Variants in CLUAP1 observed in about 807,000 individuals in gnomAD.
CLUAP1 encodes intraflagellar transport 38.
In CLUAP1, 50 loss-of-function variants were observed where a neutral mutation model predicts 55.0. The observed-to-expected ratio is 0.91, with a 90% CI of 0.72 to 1.15. The LOEUF (loss-of-function observed/expected upper bound fraction) is 1.15. Among genes scored for constraint, CLUAP1 ranks in the 50% most tolerant of loss-of-function variants. The pLI is 0.00. For missense variants in CLUAP1, 530 were observed against 507.6 expected (o/e 1.04, Z -0.42); for synonymous variants, 195 against 175.4 (o/e 1.11, Z -0.88).
At chr16:3,508,526 A>C (rs1365137077) in intron 4 of CLUAP1, 58 bp downstream of exon 4, 2 of 1,433,442 alleles carry the variant, frequency 1.4e-6, no homozygotes, top group Admixed American at 5.6e-5. Context: ...TGAGCTCTGA[A>C]GTGGAAGGAG....
intron 4 of CLUAP1, among the ~76,000 whole-genome samples, chr16:3,511,006 C>CG (rs906405356): frequency 2.0e-5 from 3 of 152,082 alleles, no homozygotes; most frequent in Non-Finnish European, 4.4e-5. Flanking sequence ...GCAGAAAAGA[C>CG]GGGGGGTCCA....
intron 4 of CLUAP1, among the ~76,000 whole-genome samples, chr16:3,510,294 T>G (rs1170874643): frequency 6.6e-6 from 1 of 151,044 alleles, no homozygotes; most frequent in Non-Finnish European, 1.5e-5. Flanking sequence ...GCACCCGGCT[T>G]TGTATTTTTT....
chr16:3,522,717 G>A (rs1279973473), intron 7 of CLUAP1, among the ~76,000 whole-genome samples: 1 of 151,956 alleles, frequency 6.6e-6, no homozygotes, highest in African/African-American at 2.4e-5. Flanking sequence ...CACCCAGCCT[G>A]ATCATTTTTA....
chr16:3,496,769 G>T (rs573938571), upstream of CLUAP1: 2 of 461,760 alleles, frequency 4.3e-6, no homozygotes, highest in Non-Finnish European at 8.6e-6. Flanking sequence ...CTACAAAAAC[G>T]AACCCTCTTA....
At chr16:3,502,782 T>C (rs2037431918) in intron 1 of CLUAP1, among the ~76,000 whole-genome samples, 1 of 152,174 alleles carries the variant, frequency 6.6e-6, no homozygotes, top group East Asian at 1.9e-4. Flanking sequence ...TGGGGTTTTG[T>C]TGGGGAGCGC....
chr16:3,529,598 TATATTATATATTATATA>T (rs2038037916), intron 9 of CLUAP1, among the ~76,000 whole-genome samples: 6 of 39,910 alleles, frequency 1.5e-4, no homozygotes, highest in Non-Finnish European at 1.9e-4. Flanking sequence ...TATATTATTA[TATATTATATATTATATA>T]ATATTATATA....
rs752462968 is a variant in CLUAP1, at chr16:3,512,472, G to A, written c.489G>A (p.Glu163=). The A allele has an allele frequency of 6.2e-7, 1 of 1,612,766 alleles. No homozygotes were observed. Among genetic ancestry groups the A allele is most frequent in the Non-Finnish European group, 8.5e-7 (1 of 1,178,878 alleles). Reference sequence around the variant, plus strand: ...ATGACTTGCTCGGCATGGAAGTAGAGTTGAGGGTAAGCATTCCAGTACTTC... The same window carrying A: ...ATGACTTGCTCGGCATGGAAGTAGAATTGAGGGTAAGCATTCCAGTACTTC... ...SLYDLLGMEV[E]LREMRTEAIA... Residue 163 remains glutamate, a synonymous_variant, in exon 5 of 12, where the codon GAG becomes GAA. Coordinates refer to ENST00000576634, the MANE Select transcript of CLUAP1 (RefSeq NM_015041.3).
At position 3,536,581 on chromosome 16, in the gene CLUAP1, C is replaced by A; in HGVS notation, c.*310C>A. The A allele has an allele frequency of 4.4e-6, 1 of 229,682 alleles. No individual in the cohort carries two copies. The highest frequency in any genetic ancestry group is 8.6e-6 in the Non-Finnish European group (1 of 116,482). The allele number at this position is 229,682 out of a possible 1,614,324, so 14.2% of individuals were successfully genotyped here. A position where few individuals can be genotyped will look rare whatever the true frequency, so the allele number is the denominator to read the frequency against. ...CAAGAAGAAATAAGAGCTGACGCCA[C>A]ACAAGTCTTGGCTGCTTTTGTTACT... is the stretch of plus-strand genomic sequence containing the variant. On this transcript the variant is annotated 3_prime_UTR_variant, in exon 12 of 12. Transcript: ENST00000576634.
chr16:3,514,439 C>A (rs2037691705), intron 5 of CLUAP1, among the ~76,000 whole-genome samples: 1 of 152,194 alleles, frequency 6.6e-6, no homozygotes, highest in Non-Finnish European at 1.5e-5. Context: ...AGGCACTGAG[C>A]TCTGCCTCCT....
At chr16:3,517,532 A>G (rs2037752190) in intron 6 of CLUAP1, among the ~76,000 whole-genome samples, 2 of 151,746 alleles carry the variant, frequency 1.3e-5, no homozygotes, top group African/African-American at 2.4e-5. Context: ...GGCTTGTCTC[A>G]AACTCCTGAC....
At chr16:3,532,650 T>C in intron 10 of CLUAP1, 136 bp from the exon 11 acceptor site, 1 of 831,870 alleles carries the variant, frequency 1.2e-6, no homozygotes, top group Non-Finnish European at 1.9e-6. Context: ...ACTCCTGGCC[T>C]CCTGTCTCAG....
intron 5 of CLUAP1, among the ~76,000 whole-genome samples, chr16:3,515,110 TG>T (rs1264175241): frequency 6.6e-6 from 1 of 151,902 alleles, no homozygotes; most frequent in East Asian, 1.9e-4. Context: ...CTCATGCCTG[TG>T]ATCCTAGCAC....
Position 3,530,555 on chromosome 16 carries a change from G to T in CLUAP1, c.929-13G>T, listed in dbSNP as rs753323768. ...AGCCACTCCTTTGTTTTGCCTGCTT[G>T]TGTTCCTGCTAGGTAACGATGACTC... On this transcript the variant is annotated splice_polypyrimidine_tract_variant and intron_variant, in intron 9 of 11. Coordinates refer to ENST00000576634, the MANE Select transcript of CLUAP1 (RefSeq NM_015041.3). The T allele has an allele frequency of 6.2e-7, 1 of 1,605,602 alleles. No individual in the cohort carries two copies. The highest frequency in any genetic ancestry group is 1.1e-5 in the South Asian group (1 of 90,856).
At chr16:3,497,966 T>G (rs1392036827), upstream of CLUAP1, among the ~76,000 whole-genome samples, 1 of 152,030 alleles carries the variant, frequency 6.6e-6, no homozygotes, top group African/African-American at 2.4e-5. Flanking sequence ...CAAGAGAAGA[T>G]TTATTAGGGA....
At position 3,504,835 on chromosome 16, in the gene CLUAP1, C is replaced by T. The variant is rs375525130; in HGVS notation, c.134+4C>T. On this transcript the variant is annotated splice_donor_region_variant and intron_variant, in intron 2 of 11. Coordinates refer to ENST00000576634, the MANE Select transcript of CLUAP1 (RefSeq NM_015041.3). ...TGCTTCTCTGGCTTGTGAAAAGGTT[C>T]GAACGGCACTTTATTGACATCTAAG... The T allele has an allele frequency of 3.4e-5, 52 of 1,515,456 alleles. No individual in the cohort carries two copies. In the Middle Eastern group the frequency reaches 5.1e-4, roughly 15 times the overall value. 93.9% of individuals were successfully genotyped at this position (1,515,456 alleles called of 1,614,324 possible).
chr16:3,504,408 G>T (rs2037463885), intron 1 of CLUAP1, among the ~76,000 whole-genome samples: 2 of 152,290 alleles, frequency 1.3e-5, no homozygotes, highest in South Asian at 4.1e-4. Flanking sequence ...AAGGACGGGT[G>T]TTTCTTCCTT....
Position 3,526,376 on chromosome 16 carries a change from G to A in CLUAP1, c.856-36G>A, listed in dbSNP as rs368196027. 89 of 1,464,274 alleles carry A rather than the reference G, an allele frequency of 6.1e-5. No homozygotes were observed. In the African/African-American group the frequency reaches 1.1e-3, roughly 18 times the overall value. The allele number at this position is 1,464,274 out of a possible 1,614,324, so 90.7% of individuals were successfully genotyped here. On this transcript the variant is annotated intron_variant, in intron 8 of 11. Coordinates refer to ENST00000576634, the MANE Select transcript of CLUAP1 (RefSeq NM_015041.3). ...GAAGAATAGAACAGTCCAGAAAAGG[G>A]CCATCTCTCCTGAGTCTGTATTTCC...
chr16:3,505,184 C>T (rs374547168), intron 2 of CLUAP1, among the ~76,000 whole-genome samples: 11 of 151,578 alleles, frequency 7.3e-5, no homozygotes, highest in African/African-American at 2.7e-4. Context: ...GGCTGCAGTG[C>T]CACTGATCAT....
intron 8 of CLUAP1, among the ~76,000 whole-genome samples, chr16:3,525,910 C>T (rs1411328327): frequency 6.6e-6 from 1 of 152,172 alleles, no homozygotes; most frequent in Admixed American, 6.5e-5. Flanking sequence ...ATTTTATGAT[C>T]TGAGATATTT....
Sources: allele counts gnomAD v4.1 joint callset (sites outside exome capture counted in the v4.1 genomes callset), GRCh38; gene constraint gnomAD v4.1.1; transcripts MANE v1.5; gene names NCBI Gene and HGNC (gene_info 2026-07-23, HGNC 2026-07-21).